ACAD10: variants seen among roughly 807,000 people sequenced by gnomAD.
ACAD10 encodes the protein ACAD-10.
In ACAD10, 112 loss-of-function variants were observed where a neutral mutation model predicts 116.8. The observed-to-expected ratio is 0.96, with a 90% CI of 0.82 to 1.12. The LOEUF is 1.12. ACAD10 is among the 50% of genes most tolerant of loss of function. ACAD10 has a pLI of 0.00. For missense variants in ACAD10, 1,259 were observed against 1,350.2 expected (o/e 0.93, Z 1.06); for synonymous variants, 486 against 510.6 (o/e 0.95, Z 0.65).
rs200515277 is a variant in ACAD10 at position 111,729,879 on chromosome 12, C to T, written c.1317C>T (p.Ala439=). 1,757 of 1,614,164 alleles carry T rather than the reference C, an allele frequency of 1.1e-3. 19 individuals are homozygous for T. The highest frequency in any genetic ancestry group is 5.8e-4 in the East Asian group (26 of 44,878). The change falls in exon 10 of 21, where the codon GCC becomes GCT. Residue 439 remains alanine (A), a synonymous_variant. Transcript: ENST00000313698. ...YRASETSTIP[A]MERLIEWLPL... is the part of the protein sequence containing the mutation. Reference sequence around the variant, plus strand: ...CTTCCGAAACTAGCACCATCCCAGCCATGGAGAGGCTGATCGAATGGCTGC... The same window carrying T: ...CTTCCGAAACTAGCACCATCCCAGCTATGGAGAGGCTGATCGAATGGCTGC...
rs570393812 is a variant in ACAD10, at chr12:111,711,803, C to T, written c.691-695C>T. ...CTGGGATTACAGGCGTGAGCCACCG[C>T]GCCCAGCTATGCTAACATTTTTAAA... On this transcript the variant is annotated intron_variant, in intron 5 of 20. Coordinates refer to ENST00000313698, the MANE Select transcript of ACAD10 (RefSeq NM_025247.6). Among the ~76,000 whole-genome samples, 53 of 152,308 alleles carry T rather than the reference C, an allele frequency of 3.5e-4. 1 individual carries two copies. The highest frequency in any genetic ancestry group is 2.4e-3 in the Admixed American group (37 of 15,282).
intron 7 of ACAD10, among the ~76,000 whole-genome samples, chr12:111,720,996 G>A (rs936665733): frequency 6.6e-6 from 1 of 151,672 alleles, no homozygotes; most frequent in Admixed American, 6.6e-5. Flanking sequence ...GTTGGCCAGG[G>A]TGGTCTTGAA....
chr12:111,727,766 T>G (rs887206006), intron 8 of ACAD10, among the ~76,000 whole-genome samples, 196 bp from the exon 9 acceptor site: 3 of 152,030 alleles, frequency 2.0e-5, no homozygotes, highest in Non-Finnish European at 4.4e-5. Flanking sequence ...TGTGGATCGA[T>G]CCATTGCAAG....
intron 7 of ACAD10, among the ~76,000 whole-genome samples, chr12:111,716,600 G>T (rs944387524): frequency 1.3e-5 from 2 of 152,096 alleles, no homozygotes; most frequent in African/African-American, 4.8e-5. Context: ...AGCTACCATA[G>T]TCCCAGCACT....
chr12:111,741,778 CAATTAGCTTT>C lies in ACAD10; in HGVS notation c.1715-2862_1715-2853del, dbSNP rs796227936. Among the ~76,000 whole-genome samples the C allele has an allele frequency of 7.9e-5, 12 of 152,310 alleles. No individual in the cohort carries two copies. The South Asian group carries it at 2.3e-3, about 29-fold the overall frequency. ...ATTACTTCTGTACATTTGTCTTCTACAATTAGCTTTAAAATCATTTTTGTTTGAACAGCTG... is the reference window on the plus strand; with the variant it reads ...ATTACTTCTGTACATTTGTCTTCTACAAAATCATTTTTGTTTGAACAGCTG... On this transcript the variant is annotated intron_variant, in intron 12 of 20. Coordinates refer to ENST00000313698, the MANE Select transcript of ACAD10 (RefSeq NM_025247.6).
chr12:111,747,685 G>A (rs1593053929), intron 16 of ACAD10: 3 of 1,185,900 alleles, frequency 2.5e-6, no homozygotes, highest in Non-Finnish European at 3.2e-6. Context: ...TCTGCTTTGG[G>A]CAGCTCCCCT....
intron 1 of ACAD10, among the ~76,000 whole-genome samples, chr12:111,688,797 G>A (rs995432078): frequency 6.6e-6 from 1 of 150,968 alleles, no homozygotes. Context: ...GCAAGACTCC[G>A]TCTCAAAACA....
chr12:111,735,807 T>C (rs958177532), intron 11 of ACAD10, among the ~76,000 whole-genome samples: 1 of 152,056 alleles, frequency 6.6e-6, no homozygotes. Flanking sequence ...TGGTGAGATC[T>C]TTTTATTTTT....
chr12:111,742,657 C>T (rs779801605), intron 12 of ACAD10, among the ~76,000 whole-genome samples: 10 of 152,028 alleles, frequency 6.6e-5, no homozygotes, highest in African/African-American at 1.2e-4. Flanking sequence ...GCCAGAAGTT[C>T]GAGACCAGTT....
chr12:111,756,973 C>T lies in ACAD10; in HGVS notation c.*500C>T, dbSNP rs886843875. ...GGCGCCTGGGAAAATGGAATGCAAC[C>T]CACATTGTAAAGCCACTGGCATCTG... On this transcript the variant is annotated 3_prime_UTR_variant, in exon 21 of 21. Coordinates refer to ENST00000313698, the MANE Select transcript of ACAD10 (RefSeq NM_025247.6). The T allele has an allele frequency of 6.8e-6, 3 of 438,408 alleles. No individual in the cohort carries two copies. The highest frequency in any genetic ancestry group is 1.4e-5 in the Non-Finnish European group (3 of 216,834). The allele number at this position is 438,408 out of a possible 1,614,324, so 27.2% of individuals were successfully genotyped here.
intron 18 of ACAD10, among the ~76,000 whole-genome samples, chr12:111,752,171 C>T (rs919953624): frequency 1.3e-5 from 2 of 151,458 alleles, no homozygotes; most frequent in African/African-American, 4.9e-5. Context: ...GCTGCAGCGA[C>T]CTGTGAGTGT....
intron 2 of ACAD10, among the ~76,000 whole-genome samples, chr12:111,697,569 C>A (rs1359202034): frequency 6.8e-6 from 1 of 147,910 alleles, no homozygotes; most frequent in African/African-American, 2.5e-5. Flanking sequence ...CCATGTTGAC[C>A]AGGTTGGTCT....
intron 7 of ACAD10, among the ~76,000 whole-genome samples, chr12:111,718,567 C>T (rs536816817): frequency 1.3e-5 from 2 of 152,062 alleles, no homozygotes; most frequent in South Asian, 4.2e-4. Context: ...GCAACCTCTG[C>T]CTCCCAGGTT....
At position 111,694,838 on chromosome 12, in the gene ACAD10, C is replaced by A. The variant is rs567996970; in HGVS notation, c.187+1942C>A. Among the ~76,000 whole-genome samples the A allele has an allele frequency of 2.1e-4, 32 of 152,252 alleles. No homozygotes were observed. The East Asian group carries it at 6.2e-3, about 29-fold the overall frequency. ...CACAGGAGTTCAAGACCAGCCTGGC[C>A]AACCTGGTGAAACCTTGTCTCTACG... On this transcript the variant is annotated intron_variant, in intron 2 of 20. Transcript: ENST00000313698.
Position 111,715,966 on chromosome 12 carries a change from A to G in ACAD10, c.992+4A>G. On this transcript the variant is annotated splice_donor_region_variant and intron_variant, in intron 7 of 20. Transcript: ENST00000313698. ...ATGCCATAGAGAGGGAGTTCAGGTA[A>G]GTTTTCAGGGCCAGGGGAGCACTTG... 6.2e-7 allele frequency: 1 copy of G among 1,613,904 alleles called. No individual in the cohort carries two copies. Among genetic ancestry groups the G allele is most frequent in the Non-Finnish European group, 8.5e-7 (1 of 1,179,830 alleles).
chr12:111,688,215 G>C (rs973471401), intron 1 of ACAD10: 2 of 152,178 alleles, frequency 1.3e-5, no homozygotes, highest in African/African-American at 2.4e-5. Flanking sequence ...AAATATACAA[G>C]TGTGTAAGTA....
At chr12:111,723,926 A>G (rs1157577829) in intron 8 of ACAD10, among the ~76,000 whole-genome samples, 1 of 150,342 alleles carries the variant, frequency 6.7e-6, no homozygotes, top group African/African-American at 2.5e-5. Flanking sequence ...GGCCGGGCAG[A>G]GGCGCTCCTC....
chr12:111,715,479 C>T (rs932407104), intron 6 of ACAD10: 3 of 263,972 alleles, frequency 1.1e-5, no homozygotes, highest in Non-Finnish European at 2.2e-5. Context: ...GCCATGGCTG[C>T]GTTTGTGCTT....
intron 2 of ACAD10, 191 bp downstream of exon 2, chr12:111,693,087 C>G (rs1465730774): frequency 3.3e-6 from 2 of 611,910 alleles, no homozygotes; most frequent in Non-Finnish European, 5.7e-6. Context: ...TTCTCCAAAT[C>G]TTACTTTCCT....
Sources: gnomAD v4.1 joint callset for allele counts (sites outside exome capture counted in the v4.1 genomes callset) on GRCh38, gnomAD v4.1.1 for gene constraint, MANE v1.5 for transcripts, NCBI Gene and HGNC (gene_info 2026-07-23, HGNC 2026-07-21) for gene names.